NBAS: variants seen among roughly 807,000 people sequenced by gnomAD.
The protein encoded by NBAS is NBAS subunit of NRZ tethering complex.
A neutral mutation model predicts 302.5 loss-of-function variants in NBAS; 219 were observed. The ratio of observed to expected loss-of-function variants is 0.72; its 90% CI spans 0.65 to 0.81. NBAS has a LOEUF of 0.81. NBAS is among the 30% of genes least tolerant of loss of function. The pLI, the probability that NBAS is intolerant of heterozygous loss-of-function variation, is 0.00. For missense variants in NBAS, 2,932 were observed against 2,841.6 expected, an observed-to-expected ratio of 1.03 and a Z score of -0.72; for synonymous variants, 1,118 against 1,021.6, an observed-to-expected ratio of 1.09 and a Z score of -1.80.
At chr2:15,137,282 A>C in the NBAS span, among the ~76,000 whole-genome samples, 1 of 152,226 alleles carries the variant, frequency 6.6e-6, no homozygotes. Flanking sequence ...TGTTAAAGAC[A>C]TATTTAGTAT....
At chr2:14,901,208 C>T in the NBAS span, among the ~76,000 whole-genome samples, 280 of 152,260 alleles carry the variant, frequency 1.8e-3, no homozygotes, top group Middle Eastern at 6.8e-3. Context: ...ACAGTCACTT[C>T]ACATGGATTA....
At chr2:15,019,691 A>T in the NBAS span, among the ~76,000 whole-genome samples, 1 of 152,148 alleles carries the variant, frequency 6.6e-6, no homozygotes, top group Non-Finnish European at 1.5e-5. Context: ...TATTTTGGAA[A>T]TGGGAATTTG....
the NBAS span, among the ~76,000 whole-genome samples, chr2:15,099,637 G>A: frequency 1.3e-5 from 2 of 151,136 alleles, no homozygotes. Context: ...ACCCTGGCAC[G>A]CTCCCTCAAT....
intron 30 of NBAS, 139 bp from the exon 31 acceptor site, chr2:15,374,859 C>G: frequency 1.4e-6 from 1 of 703,746 alleles, no homozygotes; most frequent in African/African-American, 1.8e-5. Flanking sequence ...CTTCTGTTAT[C>G]TTAATCCTCA....
intron 12 of NBAS, among the ~76,000 whole-genome samples, chr2:15,479,912 A>C (rs1227315841): frequency 6.6e-6 from 1 of 152,254 alleles, no homozygotes; most frequent in African/African-American, 2.4e-5. Flanking sequence ...TCGAATAAGT[A>C]AATCAATCAA....
intron 36 of NBAS, among the ~76,000 whole-genome samples, chr2:15,328,571 G>A (rs1002541658): frequency 6.6e-6 from 1 of 152,024 alleles, no homozygotes; most frequent in East Asian, 1.9e-4. Context: ...TTCTTTTCCT[G>A]GTCACTTTGA....
At chr2:15,076,654 C>G in the NBAS span, among the ~76,000 whole-genome samples, 1 of 152,176 alleles carries the variant, frequency 6.6e-6, no homozygotes, top group African/African-American at 2.4e-5. Flanking sequence ...TGACTGAGCC[C>G]ATAGTCGAGT....
chr2:14,864,231 C>A, the NBAS span, among the ~76,000 whole-genome samples: 1 of 150,778 alleles, frequency 6.6e-6, no homozygotes, highest in African/African-American at 2.5e-5. Context: ...ACAGGAAAAT[C>A]ACTTGCACCC....
chr2:15,129,046 C>T, the NBAS span, among the ~76,000 whole-genome samples: 1 of 152,234 alleles, frequency 6.6e-6, no homozygotes, highest in Non-Finnish European at 1.5e-5. Context: ...GGCCCTGCCT[C>T]CTCTGCCTCC....
chr2:14,801,843 T>C, the NBAS span, among the ~76,000 whole-genome samples: 2 of 151,794 alleles, frequency 1.3e-5, no homozygotes, highest in South Asian at 4.2e-4. Flanking sequence ...TCTGTTCATG[T>C]CCTTCGCCCA....
At chr2:15,387,457 C>A (rs1675360460) in intron 28 of NBAS, among the ~76,000 whole-genome samples, 1 of 152,128 alleles carries the variant, frequency 6.6e-6, no homozygotes, top group Admixed American at 6.5e-5. Flanking sequence ...AGATGTTCTA[C>A]TTTAAATGAT....
At chr2:15,461,426 T>G in intron 20 of NBAS, 89 bp from the exon 21 acceptor site, 1 of 1,376,684 alleles carries the variant, frequency 7.3e-7, no homozygotes, top group Admixed American at 1.7e-5. Context: ...ACTAACTTTT[T>G]TATGCAGCTC....
At chr2:15,483,893 A>G (rs1572913995) in intron 12 of NBAS, among the ~76,000 whole-genome samples, 5 of 152,206 alleles carry the variant, frequency 3.3e-5, no homozygotes, top group Admixed American at 3.3e-4. Flanking sequence ...TTATAAGCTG[A>G]CTAGTTTAAA....
At chr2:14,807,440 C>CGTGTGTGTGTGTGT in the NBAS span, among the ~76,000 whole-genome samples, 1 of 128,526 alleles carries the variant, frequency 7.8e-6, no homozygotes, top group African/African-American at 3.6e-5. Context: ...TTTCAAATCC[C>CGTGTGTGTGTGTGT]GTGTGTGTGT....
At chr2:14,820,911 ACT>A in the NBAS span, among the ~76,000 whole-genome samples, 1 of 148,688 alleles carries the variant, frequency 6.7e-6, no homozygotes, top group Non-Finnish European at 1.5e-5. Context: ...CAACAGAGAC[ACT>A]CTTTTTTTTT....
the NBAS span, among the ~76,000 whole-genome samples, chr2:15,067,159 C>CAAAAAAA: frequency 6.4e-5 from 6 of 93,344 alleles, no homozygotes; most frequent in Admixed American, 1.1e-4. Context: ...CTTATCTCCA[C>CAAAAAAA]AAAAAAAAAA....
chr2:15,257,622 A>G (rs762601787), intron 44 of NBAS, among the ~76,000 whole-genome samples: 2 of 152,112 alleles, frequency 1.3e-5, no homozygotes, highest in Non-Finnish European at 2.9e-5. Context: ...CAAACTCCTG[A>G]CCTCAGGTGA....
the NBAS span, among the ~76,000 whole-genome samples, chr2:15,031,580 G>C: frequency 6.6e-6 from 1 of 152,198 alleles, no homozygotes; most frequent in Non-Finnish European, 1.5e-5. Flanking sequence ...AACAGATGTG[G>C]AGAGGCAGTT....
chr2:15,060,606 A>C, the NBAS span, among the ~76,000 whole-genome samples: 1 of 152,090 alleles, frequency 6.6e-6, no homozygotes, highest in African/African-American at 2.4e-5. Context: ...GGGAGCACAC[A>C]CAGCCCTGCT....
Sources: allele counts gnomAD v4.1 joint callset (sites outside exome capture counted in the v4.1 genomes callset), GRCh38; gene constraint gnomAD v4.1.1; transcripts MANE v1.5; gene names NCBI Gene and HGNC (gene_info 2026-07-23, HGNC 2026-07-21).